The following KYNU variants were observed in gnomAD, a reference collection of about 807,000 sequenced individuals.
KYNU encodes the protein kynureninase.
Under a neutral mutation model 59.2 loss-of-function variants are expected in KYNU, and 54 were observed. The ratio of observed to expected loss-of-function variants is 0.91; its 90% CI spans 0.73 to 1.14. The LOEUF is 1.14. KYNU is among the 50% of genes most tolerant of loss of function. KYNU has a pLI of 0.00. For missense variants in KYNU, 567 were observed against 554.4 expected (o/e 1.02, Z -0.23); for synonymous variants, 177 against 192.0 (o/e 0.92, Z 0.65).
At chr2:143,032,121 CA>C (rs201818295) in intron 11 of KYNU, among the ~76,000 whole-genome samples, 5 of 151,694 alleles carry the variant, frequency 3.3e-5, no homozygotes, top group Admixed American at 6.6e-5. Flanking sequence ...ACTAAAAATA[CA>C]AAAAAATTAG....
intron 8 of KYNU, among the ~76,000 whole-genome samples, chr2:142,969,793 C>A (rs1273390897): frequency 6.6e-6 from 1 of 152,146 alleles, no homozygotes; most frequent in Non-Finnish European, 1.5e-5. Flanking sequence ...GGCATAACAG[C>A]TAAACCTAGG....
At chr2:143,007,309 G>A (rs572797114) in intron 10 of KYNU, among the ~76,000 whole-genome samples, 16 of 150,482 alleles carry the variant, frequency 1.1e-4, no homozygotes, top group African/African-American at 2.2e-4. Context: ...GGGTATCAGC[G>A]ATGGAAGATG....
chr2:142,941,439 TATA>T, intron 4 of KYNU, among the ~76,000 whole-genome samples: 1 of 152,352 alleles, frequency 6.6e-6, no homozygotes, highest in African/African-American at 2.4e-5. Flanking sequence ...GGTCCCAAAA[TATA>T]ATGTGGGATA....
intron 3 of KYNU, among the ~76,000 whole-genome samples, chr2:142,924,380 T>C (rs1682984397): frequency 6.6e-6 from 1 of 152,212 alleles, no homozygotes; most frequent in South Asian, 2.1e-4. Flanking sequence ...ATGCTGGGAT[T>C]ACAGGCGTGA....
intron 6 of KYNU, among the ~76,000 whole-genome samples, chr2:142,956,766 A>G (rs1461786067): frequency 1.3e-5 from 2 of 152,134 alleles, no homozygotes; most frequent in East Asian, 3.8e-4. Context: ...TACTAAAAAA[A>G]GTCACATTAC....
chr2:142,980,416 A>G (rs1423769173), intron 8 of KYNU, among the ~76,000 whole-genome samples: 2 of 151,992 alleles, frequency 1.3e-5, no homozygotes, highest in Non-Finnish European at 2.9e-5. Flanking sequence ...TAGAATGCCT[A>G]ACTTACTAGG....
In KYNU at chr2:142,941,484, A is replaced by C. The variant is rs995932618; in HGVS notation, c.374-13326A>C. On this transcript the variant is annotated intron_variant, in intron 4 of 13. Coordinates refer to ENST00000264170, the MANE Select transcript of KYNU (RefSeq NM_003937.3). ...ATAACAATTATTTCTTAAAATGGGC[A>C]AAGTGAGTTTTGTAGACCTGAAACT... Among the ~76,000 whole-genome samples, 13 of 152,366 alleles carry C rather than the reference A, an allele frequency of 8.5e-5. No individual in the cohort carries two copies. In the East Asian group the frequency reaches 2.5e-3, roughly 29 times the overall value.
chr2:143,038,613 G>T (rs546414525), intron 12 of KYNU, among the ~76,000 whole-genome samples: 12 of 152,246 alleles, frequency 7.9e-5, no homozygotes, highest in Admixed American at 5.9e-4. Flanking sequence ...TTCAGACATT[G>T]TCTGGGAGTT....
chr2:142,906,306 G>T (rs920129970), intron 2 of KYNU, among the ~76,000 whole-genome samples: 2 of 152,248 alleles, frequency 1.3e-5, no homozygotes, highest in African/African-American at 2.4e-5. Context: ...CCCTGGCCAA[G>T]GAGCCAAGGC....
intron 10 of KYNU, among the ~76,000 whole-genome samples, chr2:143,001,590 T>G (rs1685709139): frequency 6.6e-6 from 1 of 152,210 alleles, no homozygotes; most frequent in Non-Finnish European, 1.5e-5. Flanking sequence ...TCTCAGCTTC[T>G]GCTTTCCTGC....
chr2:142,919,873 A>G (rs551460839), intron 3 of KYNU, among the ~76,000 whole-genome samples: 2 of 152,282 alleles, frequency 1.3e-5, no homozygotes, highest in South Asian at 2.1e-4. Flanking sequence ...GGAGTTCGAG[A>G]CCAGTCTGAC....
intron 2 of KYNU, among the ~76,000 whole-genome samples, chr2:142,890,597 C>G (rs1251478878): frequency 2.0e-5 from 3 of 152,170 alleles, no homozygotes; most frequent in Admixed American, 2.0e-4. Context: ...CCTACCTTAG[C>G]TCCTGGGGTA....
At chr2:143,026,575 C>T (rs1686570528) in intron 10 of KYNU, among the ~76,000 whole-genome samples, 1 of 152,236 alleles carries the variant, frequency 6.6e-6, no homozygotes, top group African/African-American at 2.4e-5. Context: ...GCGTTCCACC[C>T]CTCATGGGAG....
At chr2:142,879,899 C>A (rs1191452092) in intron 1 of KYNU, among the ~76,000 whole-genome samples, 4 of 152,066 alleles carry the variant, frequency 2.6e-5, no homozygotes, top group Non-Finnish European at 5.9e-5. Flanking sequence ...ATTTAAGTAA[C>A]CCCACTTAGA....
chr2:142,955,478 T>C (rs557593512), intron 5 of KYNU, among the ~76,000 whole-genome samples: 1 of 152,082 alleles, frequency 6.6e-6, no homozygotes, highest in African/African-American at 2.4e-5. Context: ...TTTGGAAACA[T>C]GTCTACAAGT....
rs5834929 is a variant in KYNU at position 142,929,359 on chromosome 2, CAAAAAAAAA to C, written c.373+1634_373+1642del. 2.2e-3 allele frequency among the ~76,000 whole-genome samples: 230 copies of C among 106,424 alleles called. 1 individual carries two copies. Among genetic ancestry groups the C allele is most frequent in the Middle Eastern group, 6.3e-3 (1 of 160 alleles). 69.8% of individuals were successfully genotyped at this position (106,424 alleles called of 152,430 possible). On this transcript the variant is annotated intron_variant, in intron 4 of 13. Transcript: ENST00000264170. ...ATAGACAAGTGGTAATTGCCTTTCT[CAAAAAAAAA>C]AAAAAAAAAAAAAAAGTAAACCAAA...
chr2:143,018,779 C>G (rs1686330390), intron 10 of KYNU, among the ~76,000 whole-genome samples: 1 of 152,028 alleles, frequency 6.6e-6, no homozygotes, highest in East Asian at 1.9e-4. Flanking sequence ...GAATGTTTTT[C>G]CATTTGTGTC....
At chr2:142,890,994 T>G (rs1681693138) in intron 2 of KYNU, among the ~76,000 whole-genome samples, 1 of 152,156 alleles carries the variant, frequency 6.6e-6, no homozygotes, top group Non-Finnish European at 1.5e-5. Flanking sequence ...CTCTTAAGGA[T>G]ATAAACTCCT....
intron 10 of KYNU, among the ~76,000 whole-genome samples, chr2:143,017,263 C>T (rs1365841932): frequency 1.3e-5 from 2 of 151,470 alleles, no homozygotes; most frequent in Admixed American, 6.6e-5. Flanking sequence ...GGATATGTAC[C>T]CAGTAATGAG....
Sources: allele counts gnomAD v4.1 joint callset (sites outside exome capture counted in the v4.1 genomes callset), GRCh38; gene constraint gnomAD v4.1.1; transcripts MANE v1.5; gene names NCBI Gene and HGNC (gene_info 2026-07-23, HGNC 2026-07-21).